RAP1GDS1: variants seen among roughly 807,000 people sequenced by gnomAD.
The protein encoded by RAP1GDS1 is Rap1 GTPase-GDP dissociation stimulator 1.
A neutral mutation model predicts 71.1 loss-of-function variants in RAP1GDS1; 35 were observed. The observed-to-expected ratio is 0.49, with a 90% CI of 0.38 to 0.65. RAP1GDS1 has a LOEUF of 0.65. RAP1GDS1 is among the 30% of genes least tolerant of loss of function. The pLI, the probability that RAP1GDS1 is intolerant of heterozygous loss-of-function variation, is 0.00. For missense variants in RAP1GDS1, 663 were observed against 706.1 expected (o/e 0.94, Z 0.69); for synonymous variants, 229 against 243.1 (o/e 0.94, Z 0.54).
At chr4:98,410,388 A>G (rs1009293299) in intron 7 of RAP1GDS1, among the ~76,000 whole-genome samples, 6 of 152,174 alleles carry the variant, frequency 3.9e-5, no homozygotes, top group Non-Finnish European at 8.8e-5. Flanking sequence ...CTATACACCC[A>G]CTGGAAAGTC....
intron 2 of RAP1GDS1, among the ~76,000 whole-genome samples, chr4:98,296,239 C>T (rs548558830): frequency 6.6e-6 from 1 of 152,026 alleles, no homozygotes; most frequent in South Asian, 2.1e-4. Flanking sequence ...AGTCTATTAC[C>T]CTGTTACTGG....
intron 6 of RAP1GDS1, among the ~76,000 whole-genome samples, chr4:98,398,209 A>G (rs1255355732): frequency 6.6e-6 from 1 of 150,616 alleles, no homozygotes; most frequent in East Asian, 1.9e-4. Flanking sequence ...AATTGGAGAA[A>G]TAGTTGTACG....
At chr4:98,307,605 T>C (rs1288196948) in intron 2 of RAP1GDS1, among the ~76,000 whole-genome samples, 1 of 152,176 alleles carries the variant, frequency 6.6e-6, no homozygotes, top group Non-Finnish European at 1.5e-5. Flanking sequence ...TTTTTAAAAA[T>C]ATTCCTTTGT....
At chr4:98,410,291 A>C (rs2110167640) in intron 7 of RAP1GDS1, among the ~76,000 whole-genome samples, 1 of 152,310 alleles carries the variant, frequency 6.6e-6, no homozygotes, top group East Asian at 1.9e-4. Flanking sequence ...ACTTGACAAA[A>C]GATTTATATT....
chr4:98,266,025 CAT>C (rs1276050426), intron 1 of RAP1GDS1, among the ~76,000 whole-genome samples: 2 of 151,966 alleles, frequency 1.3e-5, no homozygotes, highest in Non-Finnish European at 2.9e-5. Flanking sequence ...TGTGAGAAAA[CAT>C]AGATTTTTAA....
At position 98,392,259 on chromosome 4, in the gene RAP1GDS1, ATTGT is replaced by A. The variant is rs527239595; in HGVS notation, c.637+182_637+185del. The A allele has an allele frequency of 4.4e-4, 239 of 548,136 alleles. 1 individual carries two copies. Among genetic ancestry groups the A allele is most frequent in the African/African-American group, 3.8e-3 (196 of 51,620 alleles). The allele number at this position is 548,136 out of a possible 1,614,324, so 34.0% of individuals were successfully genotyped here. On this transcript the variant is annotated intron_variant, in intron 6 of 14. Transcript: ENST00000408927. ...AAATCCAATTAGATCTTATGATTGC[ATTGT>A]TTATGAGAGCGTTTTATTTCCCTAA...
intron 4 of RAP1GDS1, among the ~76,000 whole-genome samples, chr4:98,370,404 T>C (rs1740191732): frequency 2.6e-5 from 4 of 152,280 alleles, no homozygotes; most frequent in South Asian, 4.1e-4. Context: ...TTTATAGATA[T>C]TAGGTGAATG....
At chr4:98,352,422 T>C in intron 3 of RAP1GDS1, 54 bp from the exon 4 acceptor site, 1 of 1,572,894 alleles carries the variant, frequency 6.4e-7, no homozygotes, top group Non-Finnish European at 8.7e-7. Context: ...GGGAGATGAT[T>C]TATGTAAATT....
chr4:98,261,734 C>G lies in RAP1GDS1; in HGVS notation c.4+165C>G. 3 of 917,090 alleles carry G rather than the reference C, an allele frequency of 3.3e-6. No individual in the cohort carries two copies. The South Asian group carries it at 5.6e-5, about 17-fold the overall frequency. 56.8% of individuals were successfully genotyped at this position (917,090 alleles called of 1,614,324 possible). A position where few individuals can be genotyped will look rare whatever the true frequency, so the allele number is the denominator to read the frequency against. On this transcript the variant is annotated intron_variant, in intron 1 of 14. Coordinates refer to ENST00000408927, the MANE Select transcript of RAP1GDS1 (RefSeq NM_001100427.2). ...GAGTCGGCGCACGCGGAACGCACGC[C>G]GGGTGCCGGGGCTGGGAGGGTCCCG... is the stretch of plus-strand genomic sequence containing the variant.
chr4:98,311,523 C>T (rs1730220436), intron 2 of RAP1GDS1, among the ~76,000 whole-genome samples: 1 of 152,254 alleles, frequency 6.6e-6, no homozygotes, highest in South Asian at 2.1e-4. Flanking sequence ...ATGAAGGTCC[C>T]ATCGTGTGTG....
Position 98,413,044 on chromosome 4 carries a change from G to C in RAP1GDS1, c.764-3701G>C, listed in dbSNP as rs531080216. Among the ~76,000 whole-genome samples, 53 of 152,144 alleles carry C rather than the reference G, an allele frequency of 3.5e-4. 1 individual carries two copies. The highest frequency in any genetic ancestry group is 4.0e-4 in the Non-Finnish European group (27 of 67,990). On this transcript the variant is annotated intron_variant, in intron 7 of 14. Coordinates refer to ENST00000408927, the MANE Select transcript of RAP1GDS1 (RefSeq NM_001100427.2). ...AAACAGCGTTCGAGAGCAGAGAACC[G>C]GTCTGACCTCAAACTTACCAGGGCG...
At chr4:98,428,776 G>A (rs1035789243) in intron 12 of RAP1GDS1, among the ~76,000 whole-genome samples, 2 of 152,218 alleles carry the variant, frequency 1.3e-5, no homozygotes, top group Admixed American at 6.5e-5. Context: ...ATGGAAAACA[G>A]TGTGGAGATT....
At chr4:98,267,251 G>T (rs1722819067) in intron 1 of RAP1GDS1, among the ~76,000 whole-genome samples, 1 of 152,116 alleles carries the variant, frequency 6.6e-6, no homozygotes, top group Admixed American at 6.6e-5. Flanking sequence ...GAGTTTGGAA[G>T]TATTTCCCTT....
At chr4:98,329,919 C>T (rs1300242815) in intron 2 of RAP1GDS1, among the ~76,000 whole-genome samples, 4 of 150,866 alleles carry the variant, frequency 2.7e-5, no homozygotes, top group African/African-American at 9.8e-5. Context: ...TTATATTCTC[C>T]TCTTTTTTTT....
intron 2 of RAP1GDS1, among the ~76,000 whole-genome samples, chr4:98,331,402 A>G (rs1734003306): frequency 6.6e-6 from 1 of 151,472 alleles, no homozygotes; most frequent in African/African-American, 2.4e-5. Context: ...GAGAAGGTAA[A>G]TACTTTTATA....
chr4:98,430,398 T>A (rs1193223978), intron 12 of RAP1GDS1, among the ~76,000 whole-genome samples: 10 of 152,180 alleles, frequency 6.6e-5, no homozygotes, highest in Admixed American at 6.5e-4. Flanking sequence ...ATTGCATGAG[T>A]TCTATGTCAG....
intron 7 of RAP1GDS1, among the ~76,000 whole-genome samples, chr4:98,408,639 A>T (rs542282948): frequency 1.3e-5 from 2 of 152,286 alleles, no homozygotes; most frequent in African/African-American, 4.8e-5. Context: ...ATAGATCCAA[A>T]ATTCCTCCTA....
At chr4:98,429,113 C>A (rs899311543) in intron 12 of RAP1GDS1, among the ~76,000 whole-genome samples, 2 of 152,078 alleles carry the variant, frequency 1.3e-5, no homozygotes, top group African/African-American at 4.8e-5. Context: ...AAAAAATTAG[C>A]CAGGCATGGT....
chr4:98,390,035 A>C (rs1291745856), intron 5 of RAP1GDS1, among the ~76,000 whole-genome samples: 1 of 152,188 alleles, frequency 6.6e-6, no homozygotes, highest in Non-Finnish European at 1.5e-5. Flanking sequence ...ATGATTCATC[A>C]GCTCTGCAGT....
Sources: allele counts gnomAD v4.1 joint callset (sites outside exome capture counted in the v4.1 genomes callset), GRCh38; gene constraint gnomAD v4.1.1; transcripts MANE v1.5; gene names NCBI Gene and HGNC (gene_info 2026-07-23, HGNC 2026-07-21).